Variants in SRPK2 observed in about 807,000 individuals in gnomAD.
The protein encoded by SRPK2 is SFRS protein kinase 2.
Under a neutral mutation model 90.8 loss-of-function variants are expected in SRPK2, and 21 were observed. That is an observed-to-expected ratio of 0.23 (90% CI 0.16 to 0.33). The LOEUF (loss-of-function observed/expected upper bound fraction) is 0.33, where lower values mean the gene tolerates loss of function less well. Among genes scored for constraint, SRPK2 ranks in the 10% least tolerant of loss-of-function variants. SRPK2 has a pLI of 1.00. For synonymous variants in SRPK2, 288 were observed against 311.1 expected, an observed-to-expected ratio of 0.93 and a Z score of 0.78; for missense variants, 620 against 869.0, an observed-to-expected ratio of 0.71 and a Z score of 3.60.
At chr7:105,307,066 G>A (rs1811223856) in intron 2 of SRPK2, among the ~76,000 whole-genome samples, 1 of 152,184 alleles carries the variant, frequency 6.6e-6, no homozygotes, top group South Asian at 2.1e-4. Context: ...AGCTCAAAAG[G>A]AAGATTTAAT....
intron 2 of SRPK2, among the ~76,000 whole-genome samples, chr7:105,205,552 C>T (rs1443480664): frequency 7.0e-6 from 1 of 143,300 alleles, no homozygotes; most frequent in Non-Finnish European, 1.5e-5. Flanking sequence ...CACACACACA[C>T]ACACACACAC....
chr7:105,262,765 G>A (rs972576777), intron 2 of SRPK2, among the ~76,000 whole-genome samples: 8 of 151,924 alleles, frequency 5.3e-5, no homozygotes, highest in African/African-American at 1.9e-4. Context: ...TCCTCAAAAT[G>A]GTGCAAACTC....
At chr7:105,265,622 T>TA (rs1368575859) in intron 2 of SRPK2, among the ~76,000 whole-genome samples, 1 of 152,060 alleles carries the variant, frequency 6.6e-6, no homozygotes, top group African/African-American at 2.4e-5. Context: ...CTTGAAAACC[T>TA]AGTTTTTTTA....
intron 11 of SRPK2, among the ~76,000 whole-genome samples, chr7:105,136,961 A>T (rs747288662): frequency 2.0e-5 from 3 of 152,226 alleles, no homozygotes; most frequent in Non-Finnish European, 2.9e-5. Context: ...CAATAAGGCA[A>T]ATAAACGAGG....
intron 2 of SRPK2, among the ~76,000 whole-genome samples, chr7:105,240,892 G>A (rs1015035116): frequency 3.9e-5 from 6 of 152,070 alleles, no homozygotes; most frequent in African/African-American, 7.2e-5. Context: ...ACCTTTGTCA[G>A]TACTATGCCA....
intron 2 of SRPK2, among the ~76,000 whole-genome samples, chr7:105,246,897 C>G (rs1431594818): frequency 6.6e-6 from 1 of 152,166 alleles, no homozygotes; most frequent in Non-Finnish European, 1.5e-5. Context: ...ATAAAGGAAG[C>G]TTTTCCCTTT....
At chr7:105,384,814 A>C (rs192079929) in intron 2 of SRPK2, among the ~76,000 whole-genome samples, 18 of 151,766 alleles carry the variant, frequency 1.2e-4, no homozygotes, top group Non-Finnish European at 2.1e-4. Context: ...TTTCCCATGC[A>C]CTACTGCAGG....
At chr7:105,165,385 T>C (rs1268167123) in intron 6 of SRPK2, among the ~76,000 whole-genome samples, 8 of 152,222 alleles carry the variant, frequency 5.3e-5, no homozygotes, top group Non-Finnish European at 4.4e-5. Context: ...TAGTGAGAGG[T>C]GAAGCCAGCT....
intron 2 of SRPK2, among the ~76,000 whole-genome samples, chr7:105,216,398 G>C (rs148699167): frequency 1.3e-5 from 2 of 151,986 alleles, no homozygotes; most frequent in African/African-American, 4.8e-5. Context: ...AAGGAAAGGA[G>C]GTAATTTTTT....
intron 2 of SRPK2, chr7:105,244,558 A>T (rs529264245): frequency 3.5e-6 from 2 of 575,558 alleles, no homozygotes; most frequent in East Asian, 6.2e-5. Flanking sequence ...TGGGCGACAG[A>T]ACGAGACTCC....
At chr7:105,125,342 G>C (rs1801036688) in intron 15 of SRPK2, among the ~76,000 whole-genome samples, 1 of 152,080 alleles carries the variant, frequency 6.6e-6, no homozygotes, top group Admixed American at 6.5e-5. Flanking sequence ...TTTTAAGAAT[G>C]TGAGGTACGC....
At chr7:105,266,857 T>C (rs1312547289) in intron 2 of SRPK2, among the ~76,000 whole-genome samples, 1 of 152,214 alleles carries the variant, frequency 6.6e-6, no homozygotes, top group African/African-American at 2.4e-5. Context: ...GATTTGACTG[T>C]TCATTACCAT....
At chr7:105,331,430 A>G (rs2131706600) in intron 2 of SRPK2, among the ~76,000 whole-genome samples, 1 of 152,272 alleles carries the variant, frequency 6.6e-6, no homozygotes, top group Admixed American at 6.5e-5. Flanking sequence ...ATAAAAAATA[A>G]TCCATAACAT....
intron 3 of SRPK2, among the ~76,000 whole-genome samples, chr7:105,174,356 A>C (rs906354072): frequency 5.3e-5 from 8 of 152,196 alleles, no homozygotes; most frequent in African/African-American, 1.9e-4. Context: ...TTATGGAGTT[A>C]ACCAGAAGTT....
At position 105,195,863 on chromosome 7, in the gene SRPK2, C is replaced by T. The variant is rs184439357; in HGVS notation, c.229+7765G>A. ...ACTATTCAGCAGGCCACAGATTGTT[C>T]TACTGGGGTGCCAGGGAAGCTAGAC... On this transcript the variant is annotated intron_variant, in intron 3 of 15. Transcript: ENST00000393651. Among the ~76,000 whole-genome samples, 273 of 152,312 alleles carry T rather than the reference C, an allele frequency of 1.8e-3. 1 individual carries two copies. In the Middle Eastern group the frequency reaches 0.031, roughly 17 times the overall value.
intron 6 of SRPK2, among the ~76,000 whole-genome samples, chr7:105,164,993 C>A (rs1789850321): frequency 6.6e-6 from 1 of 152,198 alleles, no homozygotes; most frequent in Non-Finnish European, 1.5e-5. Flanking sequence ...AATGAAAGTA[C>A]TGCCTACTCC....
chr7:105,166,448 T>C (rs1340655724), intron 6 of SRPK2, among the ~76,000 whole-genome samples: 1 of 152,222 alleles, frequency 6.6e-6, no homozygotes. Flanking sequence ...TTTTCAAAGA[T>C]TCACAATGAC....
intron 2 of SRPK2, among the ~76,000 whole-genome samples, chr7:105,367,489 C>T (rs1041714460): frequency 6.6e-6 from 1 of 152,072 alleles, no homozygotes; most frequent in African/African-American, 2.4e-5. Context: ...TCTCCAACTC[C>T]TTGGCTCAAG....
intron 2 of SRPK2, among the ~76,000 whole-genome samples, chr7:105,239,506 T>C (rs1360390156): frequency 2.6e-5 from 4 of 152,246 alleles, no homozygotes; most frequent in African/African-American, 9.6e-5. Context: ...AATACATCTT[T>C]GTTTTCTCCT....
Sources: gnomAD v4.1 joint callset for allele counts (sites outside exome capture counted in the v4.1 genomes callset) on GRCh38, gnomAD v4.1.1 for gene constraint, MANE v1.5 for transcripts, NCBI Gene and HGNC (gene_info 2026-07-23, HGNC 2026-07-21) for gene names.